Variants in NPAS3 observed in about 807,000 individuals in gnomAD.
The protein encoded by NPAS3 is neuronal PAS domain protein 3.
Under a neutral mutation model 73.1 loss-of-function variants are expected in NPAS3, and 14 were observed. The ratio of observed to expected loss-of-function variants is 0.19; its 90% confidence interval spans 0.13 to 0.30. NPAS3 has a LOEUF of 0.30. Among genes scored for constraint, NPAS3 ranks in the 10% least tolerant of loss-of-function variants. NPAS3 has a pLI of 1.00. For missense variants in NPAS3, 1,096 were observed against 1,250.0 expected (o/e 0.88, Z 1.86); for synonymous variants, 620 against 541.5 (o/e 1.14, Z -2.01).
At chr14:32,938,485 T>TAG (rs1491191135), upstream of NPAS3, among the ~76,000 whole-genome samples, 27 of 21,772 alleles carry the variant, frequency 1.2e-3, 1 homozygote, top group East Asian at 5.7e-3. Flanking sequence ...GAGAGAGAAA[T>TAG]TGAGAGAGAG....
chr14:32,938,608 G>C (rs1303362542), upstream of NPAS3, among the ~76,000 whole-genome samples: 2 of 150,740 alleles, frequency 1.3e-5, no homozygotes, highest in East Asian at 4.0e-4. Context: ...TTTCACAGCG[G>C]TCAAGCTGGA....
chr14:33,410,008 GTAGCTC>G (rs2047850558), intron 4 of NPAS3, among the ~76,000 whole-genome samples: 1 of 152,120 alleles, frequency 6.6e-6, no homozygotes, highest in East Asian at 1.9e-4. Context: ...TGCCCTCTTT[GTAGCTC>G]TAACATTGGC....
At chr14:33,721,404 A>G (rs563146193) in intron 6 of NPAS3, among the ~76,000 whole-genome samples, 31 of 152,312 alleles carry the variant, frequency 2.0e-4, no homozygotes, top group African/African-American at 6.7e-4. Flanking sequence ...AGCTTTAGAT[A>G]TGGGCTAGTT....
intron 3 of NPAS3, among the ~76,000 whole-genome samples, chr14:33,341,917 T>C (rs1207007730): frequency 1.3e-5 from 2 of 152,216 alleles, no homozygotes; most frequent in Admixed American, 6.5e-5. Flanking sequence ...GCATAGTTTA[T>C]CTTTGAAGTC....
intron 5 of NPAS3, among the ~76,000 whole-genome samples, chr14:33,575,570 A>T (rs2056400900): frequency 6.6e-6 from 1 of 152,192 alleles, no homozygotes; most frequent in Admixed American, 6.5e-5. Flanking sequence ...TGGTAAAAAG[A>T]ATATTCATGT....
intron 7 of NPAS3, among the ~76,000 whole-genome samples, chr14:33,741,936 G>A (rs2061664934): frequency 6.6e-6 from 1 of 151,998 alleles, no homozygotes; most frequent in Non-Finnish European, 1.5e-5. Flanking sequence ...CTTTGAAAAT[G>A]ACACACATAT....
At position 33,383,886 on chromosome 14, in the gene NPAS3, T is replaced by C. The variant is rs544395519; in HGVS notation, c.468+16618T>C. ...CTCTAAAATCTCGAGCATGTTATAA[T>C]CTGCCGCTATATTTGCATGAATTAT... On this transcript the variant is annotated intron_variant, in intron 4 of 11. Coordinates refer to ENST00000356141, the Ensembl canonical transcript of NPAS3. Among the ~76,000 whole-genome samples the C allele has an allele frequency of 6.6e-5, 10 of 152,304 alleles. No individual in the cohort carries two copies. In the East Asian group the frequency reaches 1.9e-3, roughly 29 times the overall value.
intron 1 of NPAS3, among the ~76,000 whole-genome samples, chr14:32,957,920 A>C (rs756959514): frequency 6.6e-6 from 1 of 152,168 alleles, no homozygotes; most frequent in African/African-American, 2.4e-5. Context: ...ATTTTGTAGC[A>C]TAAGTGTAGA....
intron 3 of NPAS3, among the ~76,000 whole-genome samples, chr14:33,304,533 C>T (rs997373500): frequency 6.6e-6 from 1 of 151,466 alleles, no homozygotes; most frequent in Non-Finnish European, 1.5e-5. Context: ...TATTTTTCCC[C>T]ATTATTTTCT....
At chr14:33,244,261 T>C (rs1730515046) in intron 3 of NPAS3, among the ~76,000 whole-genome samples, 1 of 152,182 alleles carries the variant, frequency 6.6e-6, no homozygotes, top group Non-Finnish European at 1.5e-5. Context: ...CTTCTACTTC[T>C]TCCAAGCTTA....
chr14:33,444,281 CTCCATGT>C (rs1440319245), intron 4 of NPAS3, among the ~76,000 whole-genome samples: 1 of 152,182 alleles, frequency 6.6e-6, no homozygotes, highest in African/African-American at 2.4e-5. Context: ...TCTATACCTC[CTCCATGT>C]TCCTTCCTCT....
At chr14:33,165,357 T>C (rs896885546) in intron 2 of NPAS3, among the ~76,000 whole-genome samples, 1 of 151,656 alleles carries the variant, frequency 6.6e-6, no homozygotes, top group African/African-American at 2.4e-5. Context: ...ATTATCATTA[T>C]TCTGATGCAG....
At chr14:33,374,511 T>G (rs1416767583) in intron 4 of NPAS3, among the ~76,000 whole-genome samples, 1 of 152,088 alleles carries the variant, frequency 6.6e-6, no homozygotes, top group Non-Finnish European at 1.5e-5. Flanking sequence ...ATCAGGTTGA[T>G]GTAATAAAGA....
intron 3 of NPAS3, among the ~76,000 whole-genome samples, chr14:33,242,823 T>C (rs1169632922): frequency 1.3e-5 from 2 of 152,160 alleles, no homozygotes; most frequent in South Asian, 2.1e-4. Context: ...TAAGACAATA[T>C]GCTACAAATT....
At chr14:33,755,024 C>T (rs1011642845) in intron 7 of NPAS3, among the ~76,000 whole-genome samples, 1 of 152,108 alleles carries the variant, frequency 6.6e-6, no homozygotes, top group Admixed American at 6.5e-5. Context: ...GGATGCAGAG[C>T]CCTGGCCTTA....
chr14:33,068,097 A>G (rs2041344237), intron 2 of NPAS3, among the ~76,000 whole-genome samples: 1 of 152,220 alleles, frequency 6.6e-6, no homozygotes, highest in Non-Finnish European at 1.5e-5. Context: ...GCAAAGCACC[A>G]TGCTAGGGAA....
At chr14:33,495,712 C>CT (rs1566949871) in intron 4 of NPAS3, among the ~76,000 whole-genome samples, 1 of 151,988 alleles carries the variant, frequency 6.6e-6, no homozygotes, top group African/African-American at 2.4e-5. Flanking sequence ...GTGTTGATCC[C>CT]TTTACCATTA....
Position 33,051,296 on chromosome 14 carries a change from A to AAAAAAG in NPAS3, c.51-4608_51-4607insAAAAGA, listed in dbSNP as rs771840433. 2.9e-4 allele frequency among the ~76,000 whole-genome samples: 41 copies of AAAAAAG among 142,574 alleles called. 1 individual carries two copies. The highest frequency in any genetic ancestry group is 4.4e-4 in the African/African-American group (16 of 36,196). 93.5% of individuals were successfully genotyped at this position (142,574 alleles called of 152,430 possible). ...ACTCCGTCTCAAAAAAAAAAAAAAA[A>AAAAAAG]AGAGAGACTAAAGAACTTCCCCACT... On this transcript the variant is annotated intron_variant, in intron 1 of 11. Coordinates refer to ENST00000356141, the Ensembl canonical transcript of NPAS3.
chr14:33,797,616 G>A (rs768732743), intron 11 of NPAS3, 35 bp downstream of exon 11: 9 of 1,610,220 alleles, frequency 5.6e-6, no homozygotes, highest in Non-Finnish European at 6.8e-6. Flanking sequence ...CTTCAGTGAA[G>A]CTTGCCCACC....
Sources: allele counts gnomAD v4.1 joint callset (sites outside exome capture counted in the v4.1 genomes callset), GRCh38; gene constraint gnomAD v4.1.1; transcripts MANE v1.5; gene names NCBI Gene and HGNC (gene_info 2026-07-23, HGNC 2026-07-21).